The following GRM5 variants were observed in gnomAD, a reference collection of about 807,000 sequenced individuals.
The protein encoded by GRM5 is metabotropic glutamate receptor 5.
In GRM5, 19 loss-of-function variants were observed where a neutral mutation model predicts 83.1. The observed-to-expected ratio is 0.23, with a 90% CI of 0.16 to 0.34. The LOEUF is 0.34. Among genes scored for constraint, GRM5 ranks in the 10% least tolerant of loss-of-function variants. GRM5 has a pLI of 1.00. For missense variants in GRM5, 1,160 were observed against 1,588.3 expected, an observed-to-expected ratio of 0.73 and a Z score of 4.58; for synonymous variants, 675 against 633.6, an observed-to-expected ratio of 1.07 and a Z score of -0.98.
intron 2 of GRM5, among the ~76,000 whole-genome samples, chr11:88,997,333 T>TAAAAAA (rs371168643): frequency 8.3e-6 from 1 of 119,942 alleles, no homozygotes. Flanking sequence ...GTCTCAAAAT[T>TAAAAAA]AAAAAAAAAA....
chr11:88,956,931 T>G (rs1216017833), intron 2 of GRM5, among the ~76,000 whole-genome samples: 1 of 152,058 alleles, frequency 6.6e-6, no homozygotes, highest in East Asian at 1.9e-4. Flanking sequence ...CCTTACTGGG[T>G]TATTGTGAGA....
At chr11:88,998,910 A>G (rs1252771439) in intron 2 of GRM5, among the ~76,000 whole-genome samples, 4 of 152,138 alleles carry the variant, frequency 2.6e-5, no homozygotes, top group Non-Finnish European at 5.9e-5. Context: ...ATGCATATGG[A>G]AAGGTAAAGG....
At chr11:88,858,981 T>G (rs2135548989) in intron 2 of GRM5, among the ~76,000 whole-genome samples, 1 of 152,074 alleles carries the variant, frequency 6.6e-6, no homozygotes, top group Non-Finnish European at 1.5e-5. Context: ...ATGTGTGCAT[T>G]AACTGAGAAG....
chr11:88,725,876 C>T (rs1386887483), intron 3 of GRM5, among the ~76,000 whole-genome samples: 1 of 152,114 alleles, frequency 6.6e-6, no homozygotes, highest in African/African-American at 2.4e-5. Context: ...AAAACTCCAT[C>T]TGAAGGTCAC....
chr11:88,558,577 G>A (rs1462752208), intron 8 of GRM5, among the ~76,000 whole-genome samples: 1 of 151,900 alleles, frequency 6.6e-6, no homozygotes, highest in Non-Finnish European at 1.5e-5. Context: ...CTGCTGGCAG[G>A]TGGATCATGA....
intron 3 of GRM5, among the ~76,000 whole-genome samples, chr11:88,712,226 G>T (rs997012388): frequency 6.6e-6 from 1 of 151,962 alleles, no homozygotes; most frequent in Non-Finnish European, 1.5e-5. Flanking sequence ...TTAACATATT[G>T]TATGATTACT....
chr11:88,839,810 A>G lies in GRM5; in HGVS notation c.911+10096T>C, dbSNP rs558156630. On this transcript the variant is annotated intron_variant, in intron 3 of 9. Transcript: ENST00000305447. ...TGGCCTACTGTTGACCCAAATCCTT[A>G]CAAATAACATAATCAGTTGATTAAC... 9.1e-4 allele frequency among the ~76,000 whole-genome samples: 138 copies of G among 152,366 alleles called. 1 individual carries two copies. Among genetic ancestry groups the G allele is most frequent in the Non-Finnish European group, 1.8e-3 (122 of 68,028 alleles).
intron 2 of GRM5, among the ~76,000 whole-genome samples, chr11:89,001,406 T>C (rs1940373705): frequency 6.6e-6 from 1 of 152,094 alleles, no homozygotes; most frequent in Admixed American, 6.6e-5. Flanking sequence ...GCCAACAACC[T>C]ATATAAATCA....
At chr11:89,019,630 C>G (rs999826438) in intron 2 of GRM5, among the ~76,000 whole-genome samples, 1 of 152,036 alleles carries the variant, frequency 6.6e-6, no homozygotes, top group East Asian at 1.9e-4. Context: ...ACTTGAGCCC[C>G]GGAGGTGGAG....
intron 2 of GRM5, among the ~76,000 whole-genome samples, chr11:88,882,244 G>GTAAATAAATAAATAAA (rs142671487): frequency 1.5e-4 from 5 of 33,070 alleles, no homozygotes; most frequent in African/African-American, 5.1e-4. Context: ...ATCAAAATAA[G>GTAAATAAATAAATAAA]TAAGTAAATA....
Position 88,508,932 on chromosome 11 carries a change from G to A in GRM5, c.3299C>T (p.Pro1100Leu). ...GGTCGTGGGCAACTGGATCTCTTTG[G>A]GGATCAGGTAGGACGAGCAGAGCGG... is the stretch of plus-strand genomic sequence containing the variant. ...GAPLCSSYLI[P>L]KEIQLPTTMT... The change falls in exon 10 of 10, where the codon CCC becomes CTC. Residue 1100 changes from proline (P) to leucine (L), a missense_variant. By Grantham distance (98) the Pro-to-Leu change is moderately conservative (BLOSUM62 -3). Transcript: ENST00000305447. The surrounding 1 kb of genome is among the most constrained non-coding windows in gnomAD (Gnocchi z 4.2). 1 of 1,600,420 alleles carries A rather than the reference G, an allele frequency of 6.2e-7. No homozygotes were observed. Among genetic ancestry groups the A allele is most frequent in the Non-Finnish European group, 8.5e-7 (1 of 1,173,914 alleles).
intron 8 of GRM5, among the ~76,000 whole-genome samples, chr11:88,548,027 C>A (rs1942423118): frequency 6.6e-6 from 1 of 152,012 alleles, no homozygotes; most frequent in Admixed American, 6.6e-5. Flanking sequence ...GAAGGTGAGA[C>A]CAAAAATGTG....
chr11:88,743,326 T>C (rs1942066858), intron 3 of GRM5, among the ~76,000 whole-genome samples: 1 of 152,156 alleles, frequency 6.6e-6, no homozygotes, highest in South Asian at 2.1e-4. Context: ...CTTCATGTTA[T>C]GTTCAGGTTT....
At chr11:88,639,215 T>C (rs1939223126) in intron 4 of GRM5, among the ~76,000 whole-genome samples, 1 of 152,130 alleles carries the variant, frequency 6.6e-6, no homozygotes, top group South Asian at 2.1e-4. Flanking sequence ...CTGTCCCGGG[T>C]CATGCGTGTT....
At chr11:88,839,089 C>T (rs1811277506) in intron 3 of GRM5, among the ~76,000 whole-genome samples, 1 of 152,164 alleles carries the variant, frequency 6.6e-6, no homozygotes, top group Non-Finnish European at 1.5e-5. Context: ...CCACCCCTTC[C>T]CACATTTTTA....
At chr11:88,798,530 G>C (rs937381223) in intron 3 of GRM5, among the ~76,000 whole-genome samples, 3 of 151,998 alleles carry the variant, frequency 2.0e-5, no homozygotes, top group Non-Finnish European at 4.4e-5. Context: ...GTGGGGCAGC[G>C]ATCAAGGCAG....
chr11:89,006,875 G>C (rs1940543882), intron 2 of GRM5, among the ~76,000 whole-genome samples: 2 of 152,156 alleles, frequency 1.3e-5, no homozygotes, highest in Admixed American at 1.3e-4. Context: ...TCGGCTCACT[G>C]CAAGCTCCGC....
chr11:88,870,676 T>C (rs1028522018), intron 2 of GRM5, among the ~76,000 whole-genome samples: 23 of 151,692 alleles, frequency 1.5e-4, no homozygotes, highest in East Asian at 9.7e-4. Context: ...TTGTGTTCCA[T>C]TGTGGACACA....
At chr11:88,965,045 A>G (rs1237913131) in intron 2 of GRM5, among the ~76,000 whole-genome samples, 1 of 152,190 alleles carries the variant, frequency 6.6e-6, no homozygotes, top group East Asian at 1.9e-4. Flanking sequence ...AACTACATCA[A>G]TAATAGCATT....
Sources: allele counts gnomAD v4.1 joint callset (sites outside exome capture counted in the v4.1 genomes callset), GRCh38; gene constraint gnomAD v4.1.1; non-coding constraint Gnocchi (gnomAD v3.1); transcripts MANE v1.5; gene names NCBI Gene and HGNC (gene_info 2026-07-23, HGNC 2026-07-21).